Variants in ASAP2 observed in about 807,000 individuals in gnomAD.
ASAP2 encodes the protein arf-GAP with SH3 domain, ANK repeat and PH domain-containing protein 2.
A neutral mutation model predicts 131.4 loss-of-function variants in ASAP2; 45 were observed. That is an observed-to-expected ratio of 0.34 (90% confidence interval 0.27 to 0.44). The LOEUF (loss-of-function observed/expected upper bound fraction) is 0.44. Among genes scored for constraint, ASAP2 ranks in the 20% least tolerant of loss-of-function variants. ASAP2 has a pLI of 1.00. For synonymous variants in ASAP2, 510 were observed against 503.0 expected (o/e 1.01, Z -0.19); for missense variants, 1,011 against 1,297.0 (o/e 0.78, Z 3.39).
Position 9,291,490 on chromosome 2 carries a change from C to T in ASAP2, c.200-5810C>T, listed in dbSNP as rs140742552. ...ACAGGTGGCATGTACAGCCGACAGC[C>T]GGAGGAAATGGTCTCCACTGTGCAG... On this transcript the variant is annotated intron_variant, in intron 2 of 27. Transcript: ENST00000281419. Among the ~76,000 whole-genome samples the T allele has an allele frequency of 8.5e-5, 13 of 152,248 alleles. No individual in the cohort carries two copies. In the East Asian group the frequency reaches 1.4e-3, roughly 16 times the overall value.
chr2:9,402,044 C>G (rs796240649), intron 27 of ASAP2, among the ~76,000 whole-genome samples: 17 of 152,334 alleles, frequency 1.1e-4, no homozygotes, highest in African/African-American at 4.1e-4. Context: ...CAGAAAGCCC[C>G]AGGCTGAGCC....
intron 24 of ASAP2, among the ~76,000 whole-genome samples, chr2:9,394,657 G>A (rs931600662): frequency 3.9e-5 from 6 of 152,132 alleles, no homozygotes; most frequent in Admixed American, 6.5e-5. Context: ...TCTCTATTCC[G>A]TATATTTCTG....
chr2:9,301,695 G>C (rs1360509402), intron 3 of ASAP2, among the ~76,000 whole-genome samples: 2 of 152,228 alleles, frequency 1.3e-5, no homozygotes, highest in African/African-American at 4.8e-5. Context: ...AGGAGCCAAT[G>C]GGTGCTGAGG....
intron 9 of ASAP2, among the ~76,000 whole-genome samples, chr2:9,337,920 T>C (rs1029999992): frequency 2.6e-5 from 4 of 152,234 alleles, no homozygotes; most frequent in Non-Finnish European, 5.9e-5. Flanking sequence ...TGACCACCCA[T>C]AGTGCAATAT....
rs970021020 is a variant in ASAP2, at chr2:9,241,120, CTG to C, written c.126+33893_126+33894del. Among the ~76,000 whole-genome samples the C allele has an allele frequency of 2.5e-4, 38 of 152,302 alleles. 1 individual carries two copies. Among genetic ancestry groups the C allele is most frequent in the Admixed American group, 6.5e-4 (10 of 15,296 alleles). ...TTAGTGGAAACTGTGGAAAATGAAA[CTG>C]TGGATAAGAGGGTAGTACTGTATCT... is the stretch of plus-strand genomic sequence containing the variant. On this transcript the variant is annotated intron_variant, in intron 1 of 27. Coordinates refer to ENST00000281419, the MANE Select transcript of ASAP2 (RefSeq NM_003887.3).
intron 1 of ASAP2, among the ~76,000 whole-genome samples, chr2:9,226,039 T>G (rs973402844): frequency 2.0e-5 from 3 of 152,160 alleles, no homozygotes; most frequent in Admixed American, 6.5e-5. Context: ...GAGATGACAT[T>G]GGATAAGCTC....
intron 15 of ASAP2, among the ~76,000 whole-genome samples, chr2:9,361,768 A>C (rs1321917751): frequency 6.6e-6 from 1 of 152,074 alleles, no homozygotes; most frequent in East Asian, 1.9e-4. Context: ...GTCTTTCGCC[A>C]TGTCCAGGCT....
intron 3 of ASAP2, among the ~76,000 whole-genome samples, chr2:9,298,307 G>C (rs553583663): frequency 3.3e-5 from 5 of 152,354 alleles, no homozygotes; most frequent in African/African-American, 1.2e-4. Context: ...AGATGGTGAT[G>C]ACAGTGGTTT....
At chr2:9,321,809 G>T (rs1001654468) in intron 5 of ASAP2, among the ~76,000 whole-genome samples, 2 of 152,142 alleles carry the variant, frequency 1.3e-5, no homozygotes, top group Non-Finnish European at 2.9e-5. Context: ...GATGGGGACA[G>T]AATTCCTCAC....
chr2:9,207,251 G>A lies in ASAP2; in HGVS notation c.126+21G>A, dbSNP rs773773475. 5 of 1,533,440 alleles carry A rather than the reference G, an allele frequency of 3.3e-6. No homozygotes were observed. In the African/African-American group the frequency reaches 5.6e-5, roughly 17 times the overall value. 95.0% of individuals were successfully genotyped at this position (1,533,440 alleles called of 1,614,324 possible). A position where few individuals can be genotyped will look rare whatever the true frequency, so the allele number is the denominator to read the frequency against. On this transcript the variant is annotated intron_variant, in intron 1 of 27. Coordinates refer to ENST00000281419, the MANE Select transcript of ASAP2 (RefSeq NM_003887.3). This position sits in a 1 kb window ranked among gnomAD's most constrained non-coding sequence, Gnocchi z 4.1. ...AGGAGGTGAGGCGGCCTGCGCGGCG[G>A]CTCCGGCCGCAGGTATCCCGCGCCC...
chr2:9,277,669 C>A (rs972660668), intron 1 of ASAP2, among the ~76,000 whole-genome samples: 1 of 152,216 alleles, frequency 6.6e-6, no homozygotes, highest in African/African-American at 2.4e-5. Flanking sequence ...TCCCGCACTA[C>A]AAGTGGTATG....
intron 1 of ASAP2, among the ~76,000 whole-genome samples, chr2:9,270,809 T>TTTTTTTTTTTTTTTCC (rs1666314382): frequency 7.2e-6 from 1 of 137,962 alleles, no homozygotes; most frequent in Non-Finnish European, 1.5e-5. Context: ...TTTTTTTTTT[T>TTTTTTTTTTTTTTTCC]TGAGACGGAG....
intron 18 of ASAP2, among the ~76,000 whole-genome samples, chr2:9,378,622 C>T (rs369754810): frequency 3.3e-5 from 5 of 152,238 alleles, no homozygotes; most frequent in East Asian, 1.9e-4. Context: ...GTGAGAAGGA[C>T]GCTGGGCTCT....
At chr2:9,318,495 A>T in intron 3 of ASAP2, 29 bp from the exon 4 acceptor site, 1 of 1,526,474 alleles carries the variant, frequency 6.6e-7, no homozygotes, top group Non-Finnish European at 9.1e-7. Flanking sequence ...GAAGCTGAAT[A>T]AGAATCTCCT....
intron 9 of ASAP2, among the ~76,000 whole-genome samples, chr2:9,338,904 A>T (rs1020867819): frequency 1.3e-5 from 2 of 152,162 alleles, no homozygotes; most frequent in African/African-American, 2.4e-5. Flanking sequence ...CAGGCCAGGC[A>T]TGGTGGCTCA....
intron 1 of ASAP2, among the ~76,000 whole-genome samples, chr2:9,265,860 C>T (rs1665899920): frequency 6.6e-6 from 1 of 152,208 alleles, no homozygotes; most frequent in African/African-American, 2.4e-5. Context: ...GCAACCTCCA[C>T]CTCCCCGGTT....
At chr2:9,293,247 G>A (rs551676225) in intron 2 of ASAP2, among the ~76,000 whole-genome samples, 11 of 152,242 alleles carry the variant, frequency 7.2e-5, no homozygotes, top group East Asian at 5.8e-4. Flanking sequence ...GATGGGTTTC[G>A]TGCAGTGAGG....
intron 2 of ASAP2, among the ~76,000 whole-genome samples, chr2:9,283,890 T>G (rs1667293384): frequency 6.6e-6 from 1 of 152,216 alleles, no homozygotes; most frequent in African/African-American, 2.4e-5. Flanking sequence ...TGACCTCATC[T>G]AAACCTAATT....
At chr2:9,356,983 C>T (rs1335713440) in intron 14 of ASAP2, among the ~76,000 whole-genome samples, 3 of 152,082 alleles carry the variant, frequency 2.0e-5, no homozygotes, top group Non-Finnish European at 4.4e-5. Flanking sequence ...GGGGACTACA[C>T]AGGTGCATTT....
Sources: gnomAD v4.1 joint callset for allele counts (sites outside exome capture counted in the v4.1 genomes callset) on GRCh38, gnomAD v4.1.1 for gene constraint, Gnocchi (gnomAD v3.1) non-coding constraint, MANE v1.5 for transcripts, NCBI Gene and HGNC (gene_info 2026-07-23, HGNC 2026-07-21) for gene names.